The following KCNN2 variants were observed in gnomAD, a reference collection of about 807,000 sequenced individuals.
The protein encoded by KCNN2 is potassium calcium-activated channel subfamily N member 2.
KCNN2 carries 24 observed loss-of-function variants against 55.5 expected under a neutral mutation model. The observed-to-expected ratio is 0.43, with a 90% CI of 0.31 to 0.61. The LOEUF is 0.61. Ranked by LOEUF, KCNN2 falls within the 20% of genes least tolerant of loss-of-function variation. The pLI, the probability that KCNN2 is intolerant of heterozygous loss-of-function variation, is 0.08. For synonymous variants in KCNN2, 431 were observed against 336.1 expected (o/e 1.28, Z -3.09); for missense variants, 754 against 853.6 (o/e 0.88, Z 1.45).
intron 2 of KCNN2, among the ~76,000 whole-genome samples, chr5:114,399,988 T>A (rs1443655534): frequency 6.6e-6 from 1 of 151,240 alleles, no homozygotes; most frequent in Admixed American, 6.6e-5. Context: ...TCATTTCTGA[T>A]TGTGATTATT....
chr5:114,384,256 G>T (rs1215743216), intron 2 of KCNN2, among the ~76,000 whole-genome samples: 1 of 152,152 alleles, frequency 6.6e-6, no homozygotes, highest in South Asian at 2.1e-4. Flanking sequence ...AGTTTCCTCC[G>T]AATTTTACAT....
intron 1 of KCNN2, among the ~76,000 whole-genome samples, chr5:114,188,311 C>T (rs1292809602): frequency 5.9e-5 from 9 of 152,092 alleles, no homozygotes; most frequent in Non-Finnish European, 1.2e-4. Context: ...CAAAACAATT[C>T]ACTAGACACC....
chr5:114,244,728 T>C (rs1561538504), intron 2 of KCNN2, among the ~76,000 whole-genome samples: 1 of 152,126 alleles, frequency 6.6e-6, no homozygotes, highest in African/African-American at 2.4e-5. Context: ...GTGAAGTTTG[T>C]GAGGACAGTA....
intron 5 of KCNN2, among the ~76,000 whole-genome samples, chr5:114,479,966 A>G (rs1383625796): frequency 6.6e-6 from 1 of 152,184 alleles, no homozygotes; most frequent in Non-Finnish European, 1.5e-5. Context: ...CTGGAGAACC[A>G]AGAACAAACA....
chr5:114,391,175 T>TAGATCTGTCTTTCCTTACC (rs1240446089), intron 2 of KCNN2, among the ~76,000 whole-genome samples: 1 of 152,168 alleles, frequency 6.6e-6, no homozygotes, highest in Non-Finnish European at 1.5e-5. Context: ...GACATTGCTC[T>TAGATCTGTCTTTCCTTACC]AGATCTGTCT....
intron 2 of KCNN2, among the ~76,000 whole-genome samples, chr5:114,290,315 C>A (rs1755857325): frequency 1.3e-5 from 2 of 151,966 alleles, no homozygotes; most frequent in African/African-American, 4.8e-5. Flanking sequence ...ATTCTCAAAT[C>A]AGTTTTAGTA....
chr5:114,106,847 A>G (rs921564884), intron 1 of KCNN2, among the ~76,000 whole-genome samples: 2 of 152,046 alleles, frequency 1.3e-5, no homozygotes, highest in African/African-American at 4.8e-5. Context: ...TACTGTCTTA[A>G]TAACTTTTTA....
chr5:114,150,028 T>C (rs867120366), intron 1 of KCNN2, among the ~76,000 whole-genome samples: 31 of 152,168 alleles, frequency 2.0e-4, no homozygotes, highest in African/African-American at 7.0e-4. Flanking sequence ...GATAGGAATC[T>C]TGGTGATGTG....
At chr5:114,144,097 G>A (rs773713493) in intron 1 of KCNN2, among the ~76,000 whole-genome samples, 3 of 152,168 alleles carry the variant, frequency 2.0e-5, no homozygotes, top group Non-Finnish European at 4.4e-5. Context: ...TCAAAAATCT[G>A]TTCTTTTAGC....
intron 2 of KCNN2, among the ~76,000 whole-genome samples, chr5:114,311,705 A>T (rs1055196003): frequency 6.6e-6 from 1 of 152,130 alleles, no homozygotes; most frequent in Admixed American, 6.6e-5. Context: ...TCAGTTTATT[A>T]CTGTTGTAAC....
chr5:114,294,209 T>G (rs1248005271), intron 2 of KCNN2, among the ~76,000 whole-genome samples: 1 of 152,076 alleles, frequency 6.6e-6, no homozygotes, highest in African/African-American at 2.4e-5. Context: ...CTGCTCCGAT[T>G]TTAGTTATTT....
intron 2 of KCNN2, among the ~76,000 whole-genome samples, chr5:114,227,630 C>T (rs911593934): frequency 6.6e-6 from 1 of 152,146 alleles, no homozygotes; most frequent in Non-Finnish European, 1.5e-5. Context: ...GAGTAATTAC[C>T]ATAAGTACCT....
At chr5:114,189,838 A>G (rs1400204900) in intron 1 of KCNN2, among the ~76,000 whole-genome samples, 1 of 152,182 alleles carries the variant, frequency 6.6e-6, no homozygotes, top group Non-Finnish European at 1.5e-5. Flanking sequence ...TAGCATTGCC[A>G]GTCAGTAGGG....
At chr5:114,403,451 A>C (rs997244480) in intron 2 of KCNN2, among the ~76,000 whole-genome samples, 1 of 152,232 alleles carries the variant, frequency 6.6e-6, no homozygotes, top group Non-Finnish European at 1.5e-5. Context: ...ATAGCTTCTC[A>C]AAACAAAGGT....
At chr5:114,273,561 T>TGGTA (rs1316232177) in intron 2 of KCNN2, among the ~76,000 whole-genome samples, 7 of 152,204 alleles carry the variant, frequency 4.6e-5, no homozygotes. Context: ...TGGCATGAGA[T>TGGTA]GGTACCTCAC....
At chr5:114,311,867 A>C (rs1333864814) in intron 2 of KCNN2, among the ~76,000 whole-genome samples, 1 of 152,158 alleles carries the variant, frequency 6.6e-6, no homozygotes, top group African/African-American at 2.4e-5. Flanking sequence ...CTCATCTATA[A>C]ATGAGAAAAC....
intron 3 of KCNN2, among the ~76,000 whole-genome samples, chr5:114,462,256 C>G (rs1761238998): frequency 1.3e-5 from 2 of 152,166 alleles, no homozygotes; most frequent in South Asian, 4.1e-4. Context: ...GATAGGATAC[C>G]TGTTTCTGAT....
intron 5 of KCNN2, among the ~76,000 whole-genome samples, chr5:114,481,883 C>A (rs62379179): frequency 0.038 from 5,734 of 152,094 alleles, 171 homozygotes; most frequent in Non-Finnish European, 0.059. Context: ...CAAAATTAAC[C>A]AAGGTGTATT....
intron 1 of KCNN2, among the ~76,000 whole-genome samples, chr5:114,177,842 A>G (rs1762013285): frequency 6.6e-6 from 1 of 152,184 alleles, no homozygotes; most frequent in South Asian, 2.1e-4. Flanking sequence ...GAAAGACAAG[A>G]AAAGGAAACA....
Sources: allele counts gnomAD v4.1 joint callset (sites outside exome capture counted in the v4.1 genomes callset), GRCh38; gene constraint gnomAD v4.1.1; transcripts MANE v1.5; gene names NCBI Gene and HGNC (gene_info 2026-07-23, HGNC 2026-07-21).